Variants in MIER1 observed in about 807,000 individuals in gnomAD.
MIER1 encodes the protein MIER1 transcriptional regulator.
Under a neutral mutation model 75.7 loss-of-function variants are expected in MIER1, and 40 were observed. The ratio of observed to expected loss-of-function variants is 0.53; its 90% CI spans 0.41 to 0.69. The LOEUF is 0.69. Among genes scored for constraint, MIER1 ranks in the 30% least tolerant of loss-of-function variants. The probability of loss-of-function intolerance (pLI) is 0.00; values close to 1 mark genes in which losing one functional copy is unlikely to be tolerated. For missense variants in MIER1, 574 were observed against 680.2 expected (o/e 0.84, Z 1.74); for synonymous variants, 213 against 223.4 (o/e 0.95, Z 0.42).
chr1:66,963,599 TG>T, intron 8 of MIER1, among the ~76,000 whole-genome samples: 1 of 152,154 alleles, frequency 6.6e-6, no homozygotes, highest in East Asian at 1.9e-4. Context: ...CTAAGCAAAA[TG>T]GAGTGCTTAT....
At chr1:66,926,986 T>C (rs1651974995) in intron 2 of MIER1, among the ~76,000 whole-genome samples, 1 of 152,140 alleles carries the variant, frequency 6.6e-6, no homozygotes, top group African/African-American at 2.4e-5. Context: ...TTATATTTCT[T>C]AGGTATATGT....
intron 2 of MIER1, among the ~76,000 whole-genome samples, chr1:66,934,571 G>C (rs1461091951): frequency 1.3e-5 from 1 of 76,068 alleles, no homozygotes; most frequent in Non-Finnish European, 2.4e-5. Context: ...ATCATGCCCG[G>C]CTTTTTTTTT....
chr1:66,985,231 T>C lies in MIER1; in HGVS notation c.*331T>C, dbSNP rs968450526. The C allele has an allele frequency of 7.2e-6, 7 of 967,998 alleles. No homozygotes were observed. Among genetic ancestry groups the C allele is most frequent in the African/African-American group, 1.7e-5 (1 of 57,168 alleles). 60.0% of individuals were successfully genotyped at this position (967,998 alleles called of 1,614,324 possible). On this transcript the variant is annotated 3_prime_UTR_variant, in exon 14 of 14. Transcript: ENST00000401041. ...CTAAAGATGTATCTGTACCTTCTCATTTGATGTATTAATCATAAAATTTCA... is the reference window on the plus strand; with the variant it reads ...CTAAAGATGTATCTGTACCTTCTCACTTGATGTATTAATCATAAAATTTCA...
intron 2 of MIER1, among the ~76,000 whole-genome samples, chr1:66,929,904 T>C (rs1488377435): frequency 6.6e-6 from 1 of 152,252 alleles, no homozygotes; most frequent in Non-Finnish European, 1.5e-5. Flanking sequence ...CAAATGCATT[T>C]CAAAAACGAC....
In MIER1 at chr1:66,973,833, T is replaced by C. The variant is rs115857728; in HGVS notation, c.1101+842T>C. On this transcript the variant is annotated intron_variant, in intron 11 of 13. Coordinates refer to ENST00000401041, the MANE Select transcript of MIER1 (RefSeq NM_001077700.3). ...TAGTAGAAATGACAAGGGTATTGGT[T>C]TATGTAATTCCTTAAAGATAGCTTC... Among the ~76,000 whole-genome samples the C allele has an allele frequency of 6.4e-3, 969 of 152,210 alleles. 9 individuals carry two copies. The highest frequency in any genetic ancestry group is 0.022 in the African/African-American group (903 of 41,554).
At chr1:66,942,956 A>G (rs544256797) in intron 3 of MIER1, among the ~76,000 whole-genome samples, 70 of 152,334 alleles carry the variant, frequency 4.6e-4, no homozygotes, top group African/African-American at 1.7e-3. Context: ...TTAAAAGTCA[A>G]TAGAGTGTAA....
In MIER1 at chr1:66,945,291, AT is replaced by A. The variant is rs1558041894; in HGVS notation, c.194-858del. On this transcript the variant is annotated intron_variant, in intron 3 of 13. Transcript: ENST00000401041. Reference sequence around the variant, plus strand: ...TGTATATATATATATATATATATATATATATATATATATATATATATATATA... The same window carrying A: ...TGTATATATATATATATATATATATAATATATATATATATATATATATATA... 3.7e-4 allele frequency among the ~76,000 whole-genome samples: 6 copies of A among 16,104 alleles called. No homozygotes were observed. In the East Asian group the frequency reaches 0.019, roughly 52 times the overall value. The allele number at this position is 16,104 out of a possible 152,430, so 10.6% of individuals were successfully genotyped here.
In MIER1 at chr1:66,977,108, ATCT is replaced by A. The variant is rs1313483940; in HGVS notation, c.1229+391_1229+393del. Among the ~76,000 whole-genome samples the A allele has an allele frequency of 9.9e-5, 15 of 151,698 alleles. No homozygotes were observed. In the South Asian group the frequency reaches 1.0e-3, roughly 11 times the overall value. ...TTCAGTATAAGCACATACAGTTTTA[ATCT>A]TCTTTTTTTTTTTTTGAGATGTAGT... On this transcript the variant is annotated intron_variant, in intron 12 of 13. Coordinates refer to ENST00000401041, the MANE Select transcript of MIER1 (RefSeq NM_001077700.3).
intron 11 of MIER1, among the ~76,000 whole-genome samples, chr1:66,975,154 ATTTAC>A (rs1273324191): frequency 3.9e-5 from 6 of 152,200 alleles, no homozygotes; most frequent in Non-Finnish European, 8.8e-5. Flanking sequence ...GCTACAGAAT[ATTTAC>A]TTCAAGAGCA....
chr1:66,976,005 T>A (rs1039242721), intron 11 of MIER1, among the ~76,000 whole-genome samples: 2 of 152,056 alleles, frequency 1.3e-5, no homozygotes, highest in Non-Finnish European at 2.9e-5. Context: ...TGTGTGTGTG[T>A]GAGACTGAGT....
intron 13 of MIER1, among the ~76,000 whole-genome samples, chr1:66,982,440 A>AG (rs1332584548): frequency 6.6e-6 from 1 of 152,232 alleles, no homozygotes; most frequent in African/African-American, 2.4e-5. Context: ...CAAGAAAAAG[A>AG]GAAGAAAAAG....
chr1:66,959,061 T>G, intron 6 of MIER1, 78 bp downstream of exon 6: 1 of 1,211,258 alleles, frequency 8.3e-7, no homozygotes, highest in Non-Finnish European at 1.2e-6. Flanking sequence ...TTTTTTAAAC[T>G]GGTCTTTGAA....
chr1:66,968,210 T>A (rs1489286997), intron 8 of MIER1, among the ~76,000 whole-genome samples: 1 of 152,170 alleles, frequency 6.6e-6, no homozygotes, highest in Admixed American at 6.5e-5. Context: ...ATCGCTGTGG[T>A]AAAGGGGCAT....
At chr1:66,943,154 C>T in intron 3 of MIER1, among the ~76,000 whole-genome samples, 1 of 151,998 alleles carries the variant, frequency 6.6e-6, no homozygotes, top group East Asian at 1.9e-4. Flanking sequence ...TACTCAGTAT[C>T]CCAGAAGATT....
At chr1:66,973,040 C>A in intron 11 of MIER1, 49 bp downstream of exon 11, 1 of 942,978 alleles carries the variant, frequency 1.1e-6, no homozygotes. Flanking sequence ...AGTTGAACAA[C>A]TCAAATGGTC....
At chr1:66,960,323 CTTA>C (rs1661013339) in intron 7 of MIER1, among the ~76,000 whole-genome samples, 1 of 151,980 alleles carries the variant, frequency 6.6e-6, no homozygotes, top group Non-Finnish European at 1.5e-5. Context: ...AACTGATAAG[CTTA>C]TTATATGAAG....
In MIER1 at chr1:66,986,144, T is replaced by C; in HGVS notation, c.*1244T>C. 8.6e-7 allele frequency: 1 copy of C among 1,163,836 alleles called. No homozygotes were observed. The highest frequency in any genetic ancestry group is 1.1e-6 in the Non-Finnish European group (1 of 945,064). 72.1% of individuals were successfully genotyped at this position (1,163,836 alleles called of 1,614,324 possible). ...CGATTTTATGAAGAGAAAGTGAAGT[T>C]TGAAAACTTTTCAAACTTTTCTAGT... On this transcript the variant is annotated 3_prime_UTR_variant, in exon 14 of 14. Coordinates refer to ENST00000401041, the MANE Select transcript of MIER1 (RefSeq NM_001077700.3).
At position 66,987,183 on chromosome 1, in the gene MIER1, T is replaced by C. The variant is rs1045200593; in HGVS notation, c.*2283T>C. ...AGCTTTTTGTAAAGAAATATTTAAT[T>C]GTATTTTGTGTTTATACAGGTATTT... On this transcript the variant is annotated 3_prime_UTR_variant, in exon 14 of 14. Coordinates refer to ENST00000401041, the MANE Select transcript of MIER1 (RefSeq NM_001077700.3). 1 of 152,754 alleles carries C rather than the reference T, an allele frequency of 6.5e-6. No homozygotes were observed. Among genetic ancestry groups the C allele is most frequent in the Admixed American group, 6.5e-5 (1 of 15,278 alleles). The allele number at this position is 152,754 out of a possible 1,614,324, so 9.5% of individuals were successfully genotyped here.
intron 4 of MIER1, chr1:66,946,861 T>G: frequency 1.0e-6 from 1 of 985,310 alleles, no homozygotes; most frequent in Non-Finnish European, 1.2e-6. Flanking sequence ...TTCTTTTACT[T>G]GAATTCTGGA....
Sources: gnomAD v4.1 joint callset for allele counts (sites outside exome capture counted in the v4.1 genomes callset) on GRCh38, gnomAD v4.1.1 for gene constraint, MANE v1.5 for transcripts, NCBI Gene and HGNC (gene_info 2026-07-23, HGNC 2026-07-21) for gene names.